The following APBB2 variants were observed in gnomAD, a reference collection of about 807,000 sequenced individuals.
APBB2 encodes Fe65-like 1.
A neutral mutation model predicts 82.5 loss-of-function variants in APBB2; 38 were observed. That is an observed-to-expected ratio of 0.46 (90% CI 0.36 to 0.60). The LOEUF (loss-of-function observed/expected upper bound fraction) is 0.60. Among genes scored for constraint, APBB2 ranks in the 20% least tolerant of loss-of-function variants. APBB2 has a pLI of 0.00. For synonymous variants in APBB2, 341 were observed against 368.2 expected (o/e 0.93, Z 0.85); for missense variants, 772 against 972.3 (o/e 0.79, Z 2.74).
intron 10 of APBB2, among the ~76,000 whole-genome samples, chr4:40,922,989 T>G (rs537614619): frequency 4.0e-4 from 61 of 151,682 alleles, no homozygotes; most frequent in Non-Finnish European, 5.0e-4. Context: ...CTTTTTTTTT[T>G]TTTGAGACGG....
At chr4:40,890,181 A>G in intron 12 of APBB2, 183 bp downstream of exon 12, 1 of 721,534 alleles carries the variant, frequency 1.4e-6, no homozygotes, top group Non-Finnish European at 2.1e-6. Context: ...AGAAACCAGG[A>G]AGGGAAGCAG....
chr4:40,980,884 T>C (rs1560441088), intron 6 of APBB2, among the ~76,000 whole-genome samples: 1 of 152,220 alleles, frequency 6.6e-6, no homozygotes, highest in Non-Finnish European at 1.5e-5. Context: ...GTAAGTTTCT[T>C]GAAGTGGGAT....
chr4:41,073,251 A>T (rs1452038372), intron 3 of APBB2, among the ~76,000 whole-genome samples: 2 of 152,048 alleles, frequency 1.3e-5, no homozygotes, highest in Admixed American at 6.6e-5. Context: ...TTTTCAGAGT[A>T]AAAAAAACCT....
rs887109611 is a variant in APBB2 at position 40,813,339 on chromosome 4, T to G, written c.*2753A>C. 6.6e-6 allele frequency: 1 copy of G among 152,150 alleles called. No individual in the cohort carries two copies. The highest frequency in any genetic ancestry group is 2.1e-4 in the South Asian group (1 of 4,832). The allele number at this position is 152,150 out of a possible 1,614,324, so 9.4% of individuals were successfully genotyped here. The stretch of plus-strand genomic sequence containing the variant: ...TTTAAGCTGTATTTAACAGGTTAAT[T>G]AAAAATATGGTAAGACATAGAAGGC... On this transcript the variant is annotated 3_prime_UTR_variant, in exon 18 of 18. Coordinates refer to ENST00000508593, the MANE Select transcript of APBB2 (RefSeq NM_004307.2).
chr4:40,945,433 T>C (rs931275052), intron 6 of APBB2, among the ~76,000 whole-genome samples: 2 of 152,178 alleles, frequency 1.3e-5, no homozygotes, highest in African/African-American at 4.8e-5. Flanking sequence ...ACTGAATGCT[T>C]TTGTCAATTA....
intron 16 of APBB2, 39 bp from the exon 17 acceptor site, chr4:40,822,089 C>T (rs1384034759): frequency 6.2e-7 from 1 of 1,608,524 alleles, no homozygotes; most frequent in Non-Finnish European, 8.5e-7. Flanking sequence ...CAGGAGATCC[C>T]AGGATCAAGC....
At chr4:41,152,135 A>C (rs1411349839) in intron 1 of APBB2, among the ~76,000 whole-genome samples, 3 of 151,808 alleles carry the variant, frequency 2.0e-5, no homozygotes, top group Admixed American at 2.0e-4. Context: ...TTTTTATTTC[A>C]ACAGTTCTAA....
At chr4:41,051,037 C>T (rs1472863749) in intron 4 of APBB2, among the ~76,000 whole-genome samples, 6 of 148,894 alleles carry the variant, frequency 4.0e-5, no homozygotes, top group African/African-American at 1.6e-4. Flanking sequence ...CAAGGACCTC[C>T]TCTATCTCCA....
chr4:41,151,775 T>A (rs1435488768), intron 1 of APBB2, among the ~76,000 whole-genome samples: 1 of 148,888 alleles, frequency 6.7e-6, no homozygotes, highest in South Asian at 2.1e-4. Flanking sequence ...ATGGTCTTCT[T>A]TTTTTTTTTT....
intron 1 of APBB2, among the ~76,000 whole-genome samples, chr4:41,213,310 G>A (rs1779793688): frequency 6.6e-6 from 1 of 152,048 alleles, no homozygotes; most frequent in African/African-American, 2.4e-5. Context: ...TGTAAAGCCA[G>A]TGACTGAGGG....
chr4:41,052,186 A>G (rs1013130924), intron 4 of APBB2, among the ~76,000 whole-genome samples: 2 of 145,794 alleles, frequency 1.4e-5, no homozygotes, highest in Admixed American at 1.4e-4. Flanking sequence ...TGGGCAACAT[A>G]GCAAGACCTT....
rs1196377045 is a variant in APBB2 at position 40,814,225 on chromosome 4, C to T, written c.*1867G>A. 6.6e-6 allele frequency: 1 copy of T among 152,202 alleles called. No individual in the cohort carries two copies. Among genetic ancestry groups the T allele is most frequent in the Non-Finnish European group, 1.5e-5 (1 of 68,032 alleles). 9.4% of individuals were successfully genotyped at this position (152,202 alleles called of 1,614,324 possible). On this transcript the variant is annotated 3_prime_UTR_variant, in exon 18 of 18. Coordinates refer to ENST00000508593, the MANE Select transcript of APBB2 (RefSeq NM_004307.2). Reference sequence around the variant, plus strand: ...ACTTTTGAGGCACGCTGTAGGAAAACAGTCCTGGACTTAGATAGGGCACCA... The same window carrying T: ...ACTTTTGAGGCACGCTGTAGGAAAATAGTCCTGGACTTAGATAGGGCACCA...
chr4:41,091,682 A>G (rs1403089449), intron 3 of APBB2, among the ~76,000 whole-genome samples: 3 of 152,200 alleles, frequency 2.0e-5, no homozygotes, highest in Non-Finnish European at 2.9e-5. Flanking sequence ...AAATGAATGA[A>G]TGAGGGGCTC....
At chr4:40,909,729 A>C (rs1421209479) in intron 10 of APBB2, among the ~76,000 whole-genome samples, 1 of 152,208 alleles carries the variant, frequency 6.6e-6, no homozygotes, top group Non-Finnish European at 1.5e-5. Flanking sequence ...ATAATCACTT[A>C]TAATCATCAT....
At chr4:40,844,172 G>A (rs1756814357) in intron 12 of APBB2, among the ~76,000 whole-genome samples, 1 of 152,170 alleles carries the variant, frequency 6.6e-6, no homozygotes, top group Admixed American at 6.5e-5. Context: ...AAATCCAGAT[G>A]GGTAGCCACA....
At chr4:40,983,823 C>T (rs190359791) in intron 6 of APBB2, among the ~76,000 whole-genome samples, 2 of 152,272 alleles carry the variant, frequency 1.3e-5, no homozygotes, top group Admixed American at 6.5e-5. Context: ...GTGTTCCTCC[C>T]GCCTCGGCCT....
chr4:40,927,777 GC>G, intron 10 of APBB2, among the ~76,000 whole-genome samples: 1 of 152,108 alleles, frequency 6.6e-6, no homozygotes, highest in Non-Finnish European at 1.5e-5. Flanking sequence ...GAGCCACCGC[GC>G]CCAGCCCCTC....
At chr4:40,869,418 A>G (rs1764853608) in intron 12 of APBB2, among the ~76,000 whole-genome samples, 2 of 151,622 alleles carry the variant, frequency 1.3e-5, no homozygotes. Context: ...AGACCCCATC[A>G]ATATGATTTT....
intron 1 of APBB2, among the ~76,000 whole-genome samples, chr4:41,197,105 A>G: frequency 0.18 from 27,640 of 152,226 alleles, 3,181 homozygotes; most frequent in African/African-American, 0.32. Flanking sequence ...TTGGCTCAAC[A>G]TGCCGGTTTA....
Sources: gnomAD v4.1 joint callset for allele counts (sites outside exome capture counted in the v4.1 genomes callset) on GRCh38, gnomAD v4.1.1 for gene constraint, MANE v1.5 for transcripts, NCBI Gene and HGNC (gene_info 2026-07-23, HGNC 2026-07-21) for gene names.